The following NTM variants were observed in gnomAD, a reference collection of about 807,000 sequenced individuals.
NTM encodes the protein neurotrimin, also known as IgLON family member 2.
A neutral mutation model predicts 42.1 loss-of-function variants in NTM; 13 were observed. That is an observed-to-expected ratio of 0.31 (90% CI 0.20 to 0.49). The LOEUF (loss-of-function observed/expected upper bound fraction) is 0.49, where lower values mean the gene tolerates loss of function less well. Ranked by LOEUF, NTM falls within the 20% of genes least tolerant of loss-of-function variation. NTM has a pLI of 0.99. For synonymous variants in NTM, 187 were observed against 179.2 expected, an observed-to-expected ratio of 1.04 and a Z score of -0.35; for missense variants, 373 against 452.8, an observed-to-expected ratio of 0.82 and a Z score of 1.60.
chr11:131,739,568 T>A (rs894014857), intron 1 of NTM, among the ~76,000 whole-genome samples: 1 of 152,192 alleles, frequency 6.6e-6, no homozygotes, highest in Non-Finnish European at 1.5e-5. Flanking sequence ...GCATGCTCTG[T>A]CCTCCGCGGT....
At chr11:131,685,627 G>A (rs894118101) in intron 1 of NTM, among the ~76,000 whole-genome samples, 7 of 151,986 alleles carry the variant, frequency 4.6e-5, no homozygotes, top group African/African-American at 7.3e-5. Flanking sequence ...AGAAATGCCC[G>A]CCAATCGCCC....
intron 2 of NTM, among the ~76,000 whole-genome samples, chr11:132,069,225 ACGT>A (rs2057008439): frequency 6.6e-6 from 1 of 151,028 alleles, no homozygotes; most frequent in Admixed American, 6.6e-5. Flanking sequence ...GTTAGTTAAC[ACGT>A]CACTCAGCCA....
intron 1 of NTM, among the ~76,000 whole-genome samples, chr11:131,591,547 T>C (rs2059371186): frequency 6.6e-6 from 1 of 152,168 alleles, no homozygotes; most frequent in Non-Finnish European, 1.5e-5. Flanking sequence ...AACAAGACTA[T>C]CTACTGGTGA....
intron 2 of NTM, among the ~76,000 whole-genome samples, chr11:131,938,679 G>A (rs769325238): frequency 2.0e-5 from 3 of 152,166 alleles, no homozygotes; most frequent in Non-Finnish European, 4.4e-5. Context: ...ATACTGTTCC[G>A]GAGCTTCCTG....
At chr11:132,144,428 A>C (rs558396037) in intron 2 of NTM, among the ~76,000 whole-genome samples, 1 of 152,200 alleles carries the variant, frequency 6.6e-6, no homozygotes, top group East Asian at 1.9e-4. Context: ...TGGTTGGTTT[A>C]AGGCTGTGTT....
chr11:131,997,501 CATG>C (rs1015761301), intron 2 of NTM, among the ~76,000 whole-genome samples: 2 of 152,134 alleles, frequency 1.3e-5, no homozygotes, highest in Admixed American at 6.5e-5. Flanking sequence ...TAAGAGCTGG[CATG>C]GTGGTGGTGA....
At chr11:131,533,250 T>C (rs1419320873) in intron 1 of NTM, among the ~76,000 whole-genome samples, 1 of 152,236 alleles carries the variant, frequency 6.6e-6, no homozygotes, top group Non-Finnish European at 1.5e-5. Flanking sequence ...ATGTAAATCA[T>C]ACTTTGTGAA....
intron 1 of NTM, among the ~76,000 whole-genome samples, chr11:131,856,929 C>T (rs2046161956): frequency 2.0e-5 from 3 of 152,190 alleles, no homozygotes; most frequent in Admixed American, 2.0e-4. Flanking sequence ...GGCTGGCAGC[C>T]AGGTATACAT....
intron 1 of NTM, among the ~76,000 whole-genome samples, chr11:131,829,177 T>TA (rs113314101): frequency 2.9e-4 from 43 of 150,208 alleles, no homozygotes; most frequent in South Asian, 6.3e-4. Context: ...AAGAGTCACT[T>TA]AAAAAAAAAA....
intron 1 of NTM, among the ~76,000 whole-genome samples, chr11:131,760,599 A>G (rs755809689): frequency 3.9e-5 from 6 of 152,082 alleles, no homozygotes; most frequent in Non-Finnish European, 8.8e-5. Context: ...CTCACACTGC[A>G]CTGTTTCCAC....
chr11:132,209,843 G>A (rs1309423778), intron 3 of NTM, among the ~76,000 whole-genome samples: 1 of 152,200 alleles, frequency 6.6e-6, no homozygotes, highest in East Asian at 1.9e-4. Flanking sequence ...GCTCAGTGCA[G>A]CACAGATAAG....
At chr11:132,154,511 A>G (rs555475700) in intron 3 of NTM, among the ~76,000 whole-genome samples, 2 of 152,306 alleles carry the variant, frequency 1.3e-5, no homozygotes, top group African/African-American at 4.8e-5. Flanking sequence ...TTCTTCTTCC[A>G]TAGTATAGTA....
rs1419805203 is a variant in NTM, at chr11:131,568,330, G to A, written c.82+197442G>A. Among the ~76,000 whole-genome samples, 10 of 152,262 alleles carry A rather than the reference G, an allele frequency of 6.6e-5. No homozygotes were observed. In the South Asian group the frequency reaches 8.3e-4, roughly 13 times the overall value. On this transcript the variant is annotated intron_variant, in intron 1 of 8. Coordinates refer to ENST00000683400, the MANE Select transcript of NTM (RefSeq NM_001352005.2). ...GTGAATATTAGATCCATTCTACAGA[G>A]AAAGAAACTCACTGACCTGTTAACC...
chr11:132,224,814 C>A (rs550829670), intron 4 of NTM, among the ~76,000 whole-genome samples: 1 of 152,276 alleles, frequency 6.6e-6, no homozygotes, highest in South Asian at 2.1e-4. Context: ...ATGCTTGGTC[C>A]AATGTAGGAT....
chr11:131,474,921 C>A (rs182601494), intron 1 of NTM, among the ~76,000 whole-genome samples: 1 of 152,308 alleles, frequency 6.6e-6, no homozygotes, highest in East Asian at 1.9e-4. Flanking sequence ...TATGTCACAA[C>A]GAAAGGCTTA....
intron 1 of NTM, among the ~76,000 whole-genome samples, chr11:131,688,602 T>C (rs966804470): frequency 2.6e-5 from 4 of 152,348 alleles, no homozygotes; most frequent in African/African-American, 9.6e-5. Context: ...GCTCTTGCCC[T>C]GCGGCAGCGC....
chr11:132,047,096 G>A (rs575029575), intron 2 of NTM, among the ~76,000 whole-genome samples: 2 of 152,334 alleles, frequency 1.3e-5, no homozygotes, highest in South Asian at 4.1e-4. Flanking sequence ...TTGGAATGTA[G>A]GTCTGTCTAT....
intron 2 of NTM, among the ~76,000 whole-genome samples, chr11:131,966,375 A>T (rs2062835221): frequency 6.6e-6 from 1 of 152,200 alleles, no homozygotes; most frequent in South Asian, 2.1e-4. Context: ...GTGAAAAGAG[A>T]CAGACAATAA....
Position 132,002,247 on chromosome 11 carries a change from G to C in NTM, c.167+90599G>C, listed in dbSNP as rs887389311. ...AGTGACTTGGTATTTGGCTGGACTT[G>C]TCTTGTGAGCTATTTGTGGCAGCTT... On this transcript the variant is annotated intron_variant, in intron 2 of 8. Coordinates refer to ENST00000683400, the MANE Select transcript of NTM (RefSeq NM_001352005.2). This position sits in a 1 kb window ranked among gnomAD's most constrained non-coding sequence, Gnocchi z 4.5. Among the ~76,000 whole-genome samples the C allele has an allele frequency of 6.6e-6, 1 of 152,174 alleles. No individual in the cohort carries two copies. The highest frequency in any genetic ancestry group is 1.5e-5 in the Non-Finnish European group (1 of 68,036).
Sources: gnomAD v4.1 joint callset for allele counts (sites outside exome capture counted in the v4.1 genomes callset) on GRCh38, gnomAD v4.1.1 for gene constraint, Gnocchi (gnomAD v3.1) non-coding constraint, MANE v1.5 for transcripts, NCBI Gene and HGNC (gene_info 2026-07-23, HGNC 2026-07-21) for gene names.